FAM171B: variants seen among roughly 807,000 people sequenced by gnomAD.
The protein encoded by FAM171B is protein FAM171B.
Under a neutral mutation model 75.6 loss-of-function variants are expected in FAM171B, and 19 were observed. That is an observed-to-expected ratio of 0.25 (90% confidence interval 0.18 to 0.37). The LOEUF (loss-of-function observed/expected upper bound fraction) is 0.37, where lower values mean the gene tolerates loss of function less well. Ranked by LOEUF, FAM171B falls within the 10% of genes least tolerant of loss-of-function variation. FAM171B has a pLI of 1.00. For missense variants in FAM171B, 848 were observed against 982.4 expected (o/e 0.86, Z 1.83); for synonymous variants, 367 against 361.7 (o/e 1.01, Z -0.17).
chr2:186,736,567 G>GGGAGAGAGA (rs1690204173), intron 1 of FAM171B, among the ~76,000 whole-genome samples: 1 of 104,590 alleles, frequency 9.6e-6, no homozygotes, highest in African/African-American at 3.4e-5. Flanking sequence ...TGTGTGTGTG[G>GGGAGAGAGA]GAGAGAGAGA....
chr2:186,735,412 A>G (rs1392872534), intron 1 of FAM171B, among the ~76,000 whole-genome samples: 2 of 152,198 alleles, frequency 1.3e-5, no homozygotes, highest in Non-Finnish European at 2.9e-5. Flanking sequence ...CTTAGGTTCT[A>G]CAATAGTGAT....
At chr2:186,724,154 G>A (rs1689996531) in intron 1 of FAM171B, among the ~76,000 whole-genome samples, 1 of 152,174 alleles carries the variant, frequency 6.6e-6, no homozygotes, top group African/African-American at 2.4e-5. Context: ...TTGTCATGAA[G>A]CCTGGAGCTA....
chr2:186,747,354 G>A, intron 4 of FAM171B, 104 bp downstream of exon 4: 1 of 598,656 alleles, frequency 1.7e-6, no homozygotes, highest in East Asian at 3.5e-5. Flanking sequence ...ATAAGCTATG[G>A]ATAATACACA....
intron 1 of FAM171B, among the ~76,000 whole-genome samples, chr2:186,694,780 C>G (rs1421391913): frequency 6.6e-6 from 1 of 151,426 alleles, no homozygotes; most frequent in Non-Finnish European, 1.5e-5. Flanking sequence ...CACACACACA[C>G]ACACACACAC....
rs79215223 is a variant in FAM171B at position 186,717,831 on chromosome 2, T to G, written c.239-22397T>G. On this transcript the variant is annotated intron_variant, in intron 1 of 7. Transcript: ENST00000304698. ...AGCACATGACTTATTAATGCAAGCT[T>G]TCTTCATGCTTAGTTGTAATGACAT... is the stretch of plus-strand genomic sequence containing the variant. 8.8e-3 allele frequency among the ~76,000 whole-genome samples: 1,343 copies of G among 152,236 alleles called. 25 individuals are homozygous for G. The highest frequency in any genetic ancestry group is 0.031 in the African/African-American group (1,276 of 41,522).
rs9967750 is a variant in FAM171B, at chr2:186,727,523, T to C, written c.239-12705T>C. 2.1e-3 allele frequency among the ~76,000 whole-genome samples: 325 copies of C among 152,290 alleles called. 1 individual carries two copies. Among genetic ancestry groups the C allele is most frequent in the African/African-American group, 7.2e-3 (298 of 41,562 alleles). On this transcript the variant is annotated intron_variant, in intron 1 of 7. Coordinates refer to ENST00000304698, the MANE Select transcript of FAM171B (RefSeq NM_177454.4). ...GATAGCATTGTAGCAAACTTTGCCA[T>C]TGTAGCAAGTGTAGCCATAGGTAAT...
chr2:186,742,072 CAT>C (rs1226081019), intron 2 of FAM171B, among the ~76,000 whole-genome samples: 1 of 152,004 alleles, frequency 6.6e-6, no homozygotes, highest in Non-Finnish European at 1.5e-5. Flanking sequence ...GTAACAATAT[CAT>C]AATTCACTAT....
chr2:186,729,552 C>G (rs1243016534), intron 1 of FAM171B, among the ~76,000 whole-genome samples: 1 of 152,070 alleles, frequency 6.6e-6, no homozygotes, highest in African/African-American at 2.4e-5. Flanking sequence ...AGAAGCATCC[C>G]GTTTAAGTCA....
At chr2:186,704,194 C>T (rs1042348365) in intron 1 of FAM171B, among the ~76,000 whole-genome samples, 4 of 152,000 alleles carry the variant, frequency 2.6e-5, no homozygotes, top group Non-Finnish European at 4.4e-5. Context: ...TGACTTAATA[C>T]TTCTAAAAAT....
intron 1 of FAM171B, among the ~76,000 whole-genome samples, chr2:186,700,784 C>G (rs757407795): frequency 6.6e-6 from 1 of 152,072 alleles, no homozygotes; most frequent in Admixed American, 6.5e-5. Flanking sequence ...TACACTTTTG[C>G]GGTGAAAAAT....
chr2:186,712,414 G>T (rs1487260503), intron 1 of FAM171B, among the ~76,000 whole-genome samples: 4 of 152,096 alleles, frequency 2.6e-5, no homozygotes, highest in African/African-American at 9.7e-5. Context: ...TTGTTCTTCT[G>T]CTGTGTCCTC....
chr2:186,713,568 G>T (rs1689837115), intron 1 of FAM171B, among the ~76,000 whole-genome samples: 1 of 152,112 alleles, frequency 6.6e-6, no homozygotes, highest in South Asian at 2.1e-4. Context: ...TAGGGCGAGA[G>T]AAAAAGTATA....
intron 1 of FAM171B, among the ~76,000 whole-genome samples, chr2:186,696,055 T>G (rs529636829): frequency 1.2e-4 from 18 of 152,296 alleles, no homozygotes; most frequent in African/African-American, 3.8e-4. Context: ...GAAACCTGAA[T>G]CCAGCATGCA....
In FAM171B at chr2:186,763,041, C is replaced by T. The variant is rs77293466; in HGVS notation, c.*218C>T. The T allele has an allele frequency of 1.9e-6, 1 of 518,964 alleles. No homozygotes were observed. 32.1% of individuals were successfully genotyped at this position (518,964 alleles called of 1,614,324 possible). On this transcript the variant is annotated 3_prime_UTR_variant, in exon 8 of 8. Transcript: ENST00000304698. ...TTTTTGGGTGATGAATTTACAGTATCTAAGTTTTCAAAATGTAAAATAGCT... is the reference window on the plus strand; with the variant it reads ...TTTTTGGGTGATGAATTTACAGTATTTAAGTTTTCAAAATGTAAAATAGCT...
At chr2:186,750,704 G>A (rs1486274356) in intron 4 of FAM171B, among the ~76,000 whole-genome samples, 1 of 152,166 alleles carries the variant, frequency 6.6e-6, no homozygotes, top group African/African-American at 2.4e-5. Context: ...AGCTAGATCT[G>A]TGGGTTCTAG....
chr2:186,742,087 T>TA (rs1690297370), intron 2 of FAM171B, among the ~76,000 whole-genome samples: 1 of 152,224 alleles, frequency 6.6e-6, no homozygotes, highest in East Asian at 1.9e-4. Context: ...TTCACTATTT[T>TA]AAAAAATCAC....
chr2:186,726,701 T>G (rs1225232644), intron 1 of FAM171B, among the ~76,000 whole-genome samples: 1 of 152,192 alleles, frequency 6.6e-6, no homozygotes, highest in Non-Finnish European at 1.5e-5. Flanking sequence ...ATTTAGGAAG[T>G]TTTTCTACTC....
chr2:186,746,789 C>T (rs920041179), intron 3 of FAM171B, among the ~76,000 whole-genome samples: 3 of 152,148 alleles, frequency 2.0e-5, no homozygotes, highest in African/African-American at 7.2e-5. Flanking sequence ...ACTCCACTAC[C>T]GTTACAGAAA....
At chr2:186,723,962 G>C (rs993071398) in intron 1 of FAM171B, among the ~76,000 whole-genome samples, 2 of 152,196 alleles carry the variant, frequency 1.3e-5, no homozygotes, top group African/African-American at 4.8e-5. Flanking sequence ...TGAGGATACA[G>C]TAAATAAAAT....
Sources: gnomAD v4.1 joint callset for allele counts (sites outside exome capture counted in the v4.1 genomes callset) on GRCh38, gnomAD v4.1.1 for gene constraint, MANE v1.5 for transcripts, NCBI Gene and HGNC (gene_info 2026-07-23, HGNC 2026-07-21) for gene names.